Variants in OLA1 observed in about 807,000 individuals in gnomAD.
OLA1 encodes Obg like ATPase 1, also known as obg-like ATPase 1.
OLA1 carries 14 observed loss-of-function variants against 48.4 expected under a neutral mutation model. The ratio of observed to expected loss-of-function variants is 0.29; its 90% CI spans 0.19 to 0.45. The LOEUF (loss-of-function observed/expected upper bound fraction) is 0.45, where lower values mean the gene tolerates loss of function less well. OLA1 is among the 20% of genes least tolerant of loss of function. The pLI, the probability that OLA1 is intolerant of heterozygous loss-of-function variation, is 1.00. For synonymous variants in OLA1, 127 were observed against 150.4 expected (o/e 0.84, Z 1.14); for missense variants, 325 against 467.1 (o/e 0.70, Z 2.80).
intron 7 of OLA1, among the ~76,000 whole-genome samples, chr2:174,091,324 T>C (rs1004126126): frequency 1.3e-5 from 2 of 152,234 alleles, no homozygotes; most frequent in African/African-American, 4.8e-5. Context: ...CAGTGAGGTT[T>C]TGGATTTTCC....
Position 174,141,851 on chromosome 2 carries a change from C to T in OLA1, c.523G>A (p.Gly175Arg). The T allele has an allele frequency of 6.2e-7, 1 of 1,606,274 alleles. No homozygotes were observed. Among genetic ancestry groups the T allele is most frequent in the Non-Finnish European group, 8.5e-7 (1 of 1,178,444 alleles). Residue 175 changes from glycine to arginine, a missense_variant, in exon 5 of 11, where the codon GGA (glycine) becomes AGA (arginine). By Grantham distance (125) the Gly-to-Arg change is moderately radical. Coordinates refer to ENST00000284719, the MANE Select transcript of OLA1 (RefSeq NM_013341.5). ...TATTCAGGTTTTAGTTTTTTATCTC[C>T]TCCTCTCACAGCCACCTTTTCTAGT... is the stretch of plus-strand genomic sequence containing the variant. Reference protein sequence around the residue: ...DKLEKVAVRGGDKKLKPEYDI... With the variant: ...DKLEKVAVRGRDKKLKPEYDI...
chr2:174,246,679 A>G, intron 2 of OLA1, 36 bp downstream of exon 2: 1 of 1,365,470 alleles, frequency 7.3e-7, no homozygotes, highest in Non-Finnish European at 1.0e-6. Context: ...AAATATTTAC[A>G]AAATGAAAAT....
At chr2:174,106,015 C>CCTG (rs2105355787) in intron 7 of OLA1, among the ~76,000 whole-genome samples, 1 of 151,614 alleles carries the variant, frequency 6.6e-6, no homozygotes, top group South Asian at 2.1e-4. Context: ...TTAACCAATA[C>CCTG]TTGTTGAAAA....
At chr2:174,216,784 G>A (rs562030714) in intron 4 of OLA1, among the ~76,000 whole-genome samples, 1 of 152,072 alleles carries the variant, frequency 6.6e-6, no homozygotes, top group South Asian at 2.1e-4. Context: ...CTAGACTCAA[G>A]CAATCCTCCT....
intron 4 of OLA1, among the ~76,000 whole-genome samples, chr2:174,168,722 G>A (rs1259378175): frequency 6.6e-6 from 1 of 151,740 alleles, no homozygotes; most frequent in Non-Finnish European, 1.5e-5. Context: ...GAGGAAGGGA[G>A]ACAAATTTAG....
chr2:174,088,913 T>C (rs976992556), intron 7 of OLA1, among the ~76,000 whole-genome samples: 1 of 150,532 alleles, frequency 6.6e-6, no homozygotes, highest in African/African-American at 2.5e-5. Context: ...AATAAATAAA[T>C]AAAGCTCCAT....
chr2:174,159,717 C>T (rs1044831377), intron 4 of OLA1, among the ~76,000 whole-genome samples: 3 of 151,940 alleles, frequency 2.0e-5, no homozygotes, highest in African/African-American at 7.2e-5. Context: ...TTCTGGGTGC[C>T]ATAAACTATA....
intron 4 of OLA1, among the ~76,000 whole-genome samples, chr2:174,151,026 T>C (rs1472954096): frequency 6.6e-6 from 1 of 152,018 alleles, no homozygotes; most frequent in East Asian, 1.9e-4. Flanking sequence ...CAGTGAGAAA[T>C]TGTGTTGAAG....
intron 10 of OLA1, among the ~76,000 whole-genome samples, chr2:174,076,379 C>G (rs1236345974): frequency 6.6e-6 from 1 of 152,152 alleles, no homozygotes; most frequent in Non-Finnish European, 1.5e-5. Context: ...CACATGACCC[C>G]ACCATCGACT....
At chr2:174,085,710 T>G (rs1205597942) in intron 7 of OLA1, among the ~76,000 whole-genome samples, 1 of 152,226 alleles carries the variant, frequency 6.6e-6, no homozygotes, top group Non-Finnish European at 1.5e-5. Context: ...AAACTTGATT[T>G]TCCCAGGGTT....
chr2:174,099,043 C>T (rs922052663), intron 7 of OLA1, among the ~76,000 whole-genome samples: 1 of 152,070 alleles, frequency 6.6e-6, no homozygotes, highest in Non-Finnish European at 1.5e-5. Context: ...GAGTGATCAC[C>T]CTGCAGTTTC....
At chr2:174,245,696 C>T (rs544860726) in intron 2 of OLA1, among the ~76,000 whole-genome samples, 1 of 152,168 alleles carries the variant, frequency 6.6e-6, no homozygotes, top group African/African-American at 2.4e-5. Flanking sequence ...GAGTTCAACA[C>T]CAGCCTGGCC....
rs142572408 is a variant in OLA1 at position 174,188,050 on chromosome 2, G to A, written c.373+34983C>T. Among the ~76,000 whole-genome samples, 561 of 152,236 alleles carry A rather than the reference G, an allele frequency of 3.7e-3. 4 individuals are homozygous for A. The highest frequency in any genetic ancestry group is 0.013 in the African/African-American group (524 of 41,544). ...TTCATTCATTGACCAGTGGTTAAAC[G>A]GCCAAAATGGTTCTGAATCAAGGTG... On this transcript the variant is annotated intron_variant, in intron 4 of 10. Coordinates refer to ENST00000284719, the MANE Select transcript of OLA1 (RefSeq NM_013341.5).
chr2:174,129,452 C>T (rs957708716), intron 5 of OLA1, among the ~76,000 whole-genome samples: 15 of 130,914 alleles, frequency 1.1e-4, no homozygotes, highest in Admixed American at 3.4e-4. Context: ...AGCGAGACTC[C>T]GTCTCAATAA....
At chr2:174,087,525 T>C (rs559724713) in intron 7 of OLA1, among the ~76,000 whole-genome samples, 1 of 127,636 alleles carries the variant, frequency 7.8e-6, no homozygotes, top group African/African-American at 2.5e-5. Flanking sequence ...TTTCAAACTT[T>C]TTTTTGACCA....
At chr2:174,117,510 T>C (rs1030975575) in intron 7 of OLA1, among the ~76,000 whole-genome samples, 1 of 152,202 alleles carries the variant, frequency 6.6e-6, no homozygotes, top group African/African-American at 2.4e-5. Flanking sequence ...GTTTTCTTTA[T>C]AGAAACAATA....
At position 174,073,901 on chromosome 2, in the gene OLA1, C is replaced by G. The variant is rs1055852666; in HGVS notation, c.*1525G>C. ...GTTTTATTTAGTTCTTTTAAAAAACCCTTCATTAGTTTTATTCTTATTTCT... is the reference window on the plus strand; with the variant it reads ...GTTTTATTTAGTTCTTTTAAAAAACGCTTCATTAGTTTTATTCTTATTTCT... On this transcript the variant is annotated 3_prime_UTR_variant, in exon 11 of 11. Coordinates refer to ENST00000284719, the MANE Select transcript of OLA1 (RefSeq NM_013341.5). 12 of 152,024 alleles carry G rather than the reference C, an allele frequency of 7.9e-5. No individual in the cohort carries two copies. Among genetic ancestry groups the G allele is most frequent in the African/African-American group, 2.7e-4 (11 of 41,482 alleles). 9.4% of individuals were successfully genotyped at this position (152,024 alleles called of 1,614,324 possible).
intron 7 of OLA1, among the ~76,000 whole-genome samples, chr2:174,105,473 A>G (rs1225153751): frequency 6.6e-6 from 1 of 152,028 alleles, no homozygotes; most frequent in Non-Finnish European, 1.5e-5. Flanking sequence ...ATAGCAAACT[A>G]AAAACAGAAT....
intron 4 of OLA1, among the ~76,000 whole-genome samples, chr2:174,170,135 A>G (rs1413673899): frequency 6.6e-6 from 1 of 152,236 alleles, no homozygotes; most frequent in African/African-American, 2.4e-5. Flanking sequence ...CCAGAGGCTG[A>G]GGCAGGAGAA....
Sources: gnomAD v4.1 joint callset for allele counts (sites outside exome capture counted in the v4.1 genomes callset) on GRCh38, gnomAD v4.1.1 for gene constraint, MANE v1.5 for transcripts, NCBI Gene and HGNC (gene_info 2026-07-23, HGNC 2026-07-21) for gene names.